KIAA1217: variants seen among roughly 807,000 people sequenced by gnomAD.
The protein encoded by KIAA1217 is sickle tail protein homolog.
Under a neutral mutation model 163.9 loss-of-function variants are expected in KIAA1217, and 88 were observed. That is an observed-to-expected ratio of 0.54 (90% CI 0.45 to 0.64). The LOEUF (loss-of-function observed/expected upper bound fraction) is 0.64, where lower values mean the gene tolerates loss of function less well. Ranked by LOEUF, KIAA1217 falls within the 30% of genes least tolerant of loss-of-function variation. The pLI, the probability that KIAA1217 is intolerant of heterozygous loss-of-function variation, is 0.00. For synonymous variants in KIAA1217, 903 were observed against 923.1 expected, an observed-to-expected ratio of 0.98 and a Z score of 0.39; for missense variants, 2,372 against 2,475.0, an observed-to-expected ratio of 0.96 and a Z score of 0.88.
Position 23,790,185 on chromosome 10 carries a change from A to G in KIAA1217, c.-321+94951A>G, listed in dbSNP as rs1419548537. Among the ~76,000 whole-genome samples, 18 of 68,010 alleles carry G rather than the reference A, an allele frequency of 2.6e-4. 1 individual carries two copies. Among genetic ancestry groups the G allele is most frequent in the African/African-American group, 7.7e-4 (8 of 10,366 alleles). 44.6% of individuals were successfully genotyped at this position (68,010 alleles called of 152,430 possible). On this transcript the variant is annotated intron_variant, in intron 1 of 18. Coordinates refer to the KIAA1217 transcript ENST00000376462. ...TACACATATACACATATGCATATAC[A>G]CATATACACATATGCATATACACAT...
At chr10:23,954,629 AGGAGGGAG>A (rs1206753597) in intron 1 of KIAA1217, among the ~76,000 whole-genome samples, 1 of 151,500 alleles carries the variant, frequency 6.6e-6, no homozygotes, top group African/African-American at 2.4e-5. Context: ...GAAAGAAGGA[AGGAGGGAG>A]GGAGGGAGAG....
intron 1 of KIAA1217, among the ~76,000 whole-genome samples, chr10:23,845,286 G>A (rs548939965): frequency 6.6e-6 from 1 of 152,254 alleles, no homozygotes; most frequent in South Asian, 2.1e-4. Context: ...GGTATTTCTA[G>A]TTCTAGATCC....
chr10:24,399,897 A>G (rs2056326114), intron 3 of KIAA1217, among the ~76,000 whole-genome samples: 2 of 152,220 alleles, frequency 1.3e-5, no homozygotes, highest in African/African-American at 4.8e-5. Flanking sequence ...TTTGAAAGCG[A>G]TGAAAGGAAA....
intron 2 of KIAA1217, among the ~76,000 whole-genome samples, chr10:24,068,589 A>G (rs576582645): frequency 6.6e-6 from 1 of 152,198 alleles, no homozygotes; most frequent in Admixed American, 6.5e-5. Context: ...GTCTTCATGG[A>G]CAAGACTGCT....
intron 1 of KIAA1217, among the ~76,000 whole-genome samples, chr10:23,802,705 A>G (rs1836530065): frequency 6.6e-6 from 1 of 152,256 alleles, no homozygotes; most frequent in Non-Finnish European, 1.5e-5. Context: ...AATCAGTGAC[A>G]TAAAAGTCAA....
At chr10:23,824,508 A>G (rs1389988877) in intron 1 of KIAA1217, among the ~76,000 whole-genome samples, 1 of 147,232 alleles carries the variant, frequency 6.8e-6, no homozygotes, top group Non-Finnish European at 1.5e-5. Flanking sequence ...TGGGCCTCTA[A>G]TCCCAGCTAC....
At chr10:24,484,241 A>ATATATATATATATATATTTTTTTTTT in intron 6 of KIAA1217, among the ~76,000 whole-genome samples, 1 of 75,154 alleles carries the variant, frequency 1.3e-5, no homozygotes, top group South Asian at 6.7e-4. Flanking sequence ...ATATATATAT[A>ATATATATATATATATATTTTTTTTTT]TTTTTTTTTT....
chr10:23,810,011 A>T (rs1836920262), intron 1 of KIAA1217, among the ~76,000 whole-genome samples: 1 of 152,020 alleles, frequency 6.6e-6, no homozygotes, highest in African/African-American at 2.4e-5. Context: ...ACACTTTATT[A>T]TAAAATCAGC....
intron 2 of KIAA1217, among the ~76,000 whole-genome samples, chr10:24,242,710 T>C (rs1410668295): frequency 6.6e-6 from 1 of 152,184 alleles, no homozygotes; most frequent in African/African-American, 2.4e-5. Flanking sequence ...CCACCAGCAA[T>C]GTATAAGCAC....
intron 9 of KIAA1217, among the ~76,000 whole-genome samples, chr10:24,512,387 G>C (rs1256844395): frequency 3.9e-5 from 6 of 152,184 alleles, no homozygotes; most frequent in Non-Finnish European, 8.8e-5. Context: ...CTGATTGAGT[G>C]AATTCACTCG....
intron 1 of KIAA1217, among the ~76,000 whole-genome samples, chr10:23,892,742 G>T (rs571158701): frequency 6.8e-4 from 103 of 151,858 alleles, no homozygotes; most frequent in African/African-American, 2.3e-3. Flanking sequence ...AGGGTAATTT[G>T]TTCTACACTA....
chr10:24,365,798 G>T (rs374429348), intron 2 of KIAA1217, among the ~76,000 whole-genome samples: 4 of 152,000 alleles, frequency 2.6e-5, no homozygotes, highest in Admixed American at 2.0e-4. Flanking sequence ...TTTGGCTTTC[G>T]AGTGTAGCCA....
chr10:23,971,386 C>T (rs1845311568), intron 1 of KIAA1217, among the ~76,000 whole-genome samples: 1 of 152,194 alleles, frequency 6.6e-6, no homozygotes, highest in Non-Finnish European at 1.5e-5. Flanking sequence ...ACAACCTTTC[C>T]CTGGCCCCCA....
chr10:24,511,339 G>C (rs556394233), intron 9 of KIAA1217, among the ~76,000 whole-genome samples: 1 of 151,968 alleles, frequency 6.6e-6, no homozygotes, highest in African/African-American at 2.4e-5. Context: ...TCTGTACACT[G>C]TCTCTAAAAA....
At chr10:24,065,895 A>G (rs542271125) in intron 2 of KIAA1217, among the ~76,000 whole-genome samples, 233 of 152,286 alleles carry the variant, frequency 1.5e-3, no homozygotes, top group African/African-American at 5.4e-3. Flanking sequence ...AACATTATGT[A>G]ATGGCCTTCT....
At chr10:23,912,279 G>A (rs1354704078) in intron 1 of KIAA1217, among the ~76,000 whole-genome samples, 3 of 152,066 alleles carry the variant, frequency 2.0e-5, no homozygotes, top group African/African-American at 7.2e-5. Flanking sequence ...AAGTCTGGAA[G>A]CAGCAAAAAT....
At chr10:23,980,006 C>A (rs1269825248) in intron 1 of KIAA1217, among the ~76,000 whole-genome samples, 2 of 152,136 alleles carry the variant, frequency 1.3e-5, no homozygotes, top group Non-Finnish European at 2.9e-5. Flanking sequence ...TCTTTTACAG[C>A]ATCCTTTGGT....
chr10:23,858,230 G>T (rs372200215), intron 1 of KIAA1217, among the ~76,000 whole-genome samples: 1 of 152,150 alleles, frequency 6.6e-6, no homozygotes, highest in East Asian at 1.9e-4. Context: ...GAGCTGGATG[G>T]GGAAGAGCAG....
At chr10:23,758,948 T>A (rs980447605) in intron 1 of KIAA1217, among the ~76,000 whole-genome samples, 4 of 151,972 alleles carry the variant, frequency 2.6e-5, no homozygotes, top group Non-Finnish European at 5.9e-5. Context: ...TGGGTTTTTC[T>A]ATTTATATTA....
Sources: allele counts gnomAD v4.1 joint callset (sites outside exome capture counted in the v4.1 genomes callset), GRCh38; gene constraint gnomAD v4.1.1; transcripts MANE v1.5; gene names NCBI Gene and HGNC (gene_info 2026-07-23, HGNC 2026-07-21).